Variants in EYS observed in about 807,000 individuals in gnomAD.
EYS encodes the protein EGF-like photoreceptor maintenance factor.
In EYS, 250 loss-of-function variants were observed where a neutral mutation model predicts 282.1. The observed-to-expected ratio is 0.89, with a 90% CI of 0.80 to 0.98. The LOEUF (loss-of-function observed/expected upper bound fraction) is 0.98. Among genes scored for constraint, EYS ranks in the 50% least tolerant of loss-of-function variants. The pLI, the probability that EYS is intolerant of heterozygous loss-of-function variation, is 0.00. For missense variants in EYS, 4,016 were observed against 3,709.0 expected (o/e 1.08, Z -2.15); for synonymous variants, 1,355 against 1,282.9 (o/e 1.06, Z -1.20).
chr6:64,169,837 A>G (rs1764422018), intron 31 of EYS, among the ~76,000 whole-genome samples: 1 of 152,114 alleles, frequency 6.6e-6, no homozygotes, highest in Non-Finnish European at 1.5e-5. Flanking sequence ...TGCAAATGGA[A>G]GGTAACCTGC....
intron 33 of EYS, among the ~76,000 whole-genome samples, chr6:64,026,313 G>C (rs2149824425): frequency 6.6e-6 from 1 of 152,266 alleles, no homozygotes; most frequent in Non-Finnish European, 1.5e-5. Context: ...TGGGCAGGGG[G>C]AAGAAACAAA....
At chr6:64,274,099 G>A (rs6925740) in intron 30 of EYS, among the ~76,000 whole-genome samples, 114,459 of 152,074 alleles carry the variant, frequency 0.75, 43,677 homozygotes, top group African/African-American at 0.89. Context: ...TAACCTTTAA[G>A]TGACGGTCCA....
Position 65,292,785 on chromosome 6 carries a change from G to A in EYS, c.2023+3078C>T, listed in dbSNP as rs1304250166. 6.6e-5 allele frequency among the ~76,000 whole-genome samples: 10 copies of A among 151,598 alleles called. No individual in the cohort carries two copies. The Admixed American group carries it at 6.6e-4, about 10-fold the overall frequency. ...AAATTAGCAGACAAGGAAAGGAAAG[G>A]GGCCTATGGAAAAGAAATTAATCCT... On this transcript the variant is annotated intron_variant, in intron 12 of 42. Transcript: ENST00000503581.
At chr6:63,911,042 G>A (rs1037168769) in intron 35 of EYS, among the ~76,000 whole-genome samples, 2 of 150,922 alleles carry the variant, frequency 1.3e-5, no homozygotes, top group Non-Finnish European at 2.9e-5. Context: ...CAAACATTTG[G>A]TTTGAACTTG....
At chr6:64,708,741 T>G (rs2149932450) in intron 22 of EYS, among the ~76,000 whole-genome samples, 1 of 152,314 alleles carries the variant, frequency 6.6e-6, no homozygotes, top group East Asian at 1.9e-4. Context: ...ACTACATGTA[T>G]AGCATCTACA....
At chr6:64,565,688 C>T (rs748653519) in intron 26 of EYS, among the ~76,000 whole-genome samples, 2 of 151,512 alleles carry the variant, frequency 1.3e-5, no homozygotes, top group Non-Finnish European at 2.9e-5. Flanking sequence ...AGATCTAATA[C>T]GTGGCATGAT....
At chr6:64,725,818 T>A (rs1771734652) in intron 22 of EYS, among the ~76,000 whole-genome samples, 1 of 151,796 alleles carries the variant, frequency 6.6e-6, no homozygotes, top group Non-Finnish European at 1.5e-5. Context: ...TTAATCAAGC[T>A]TTTTCCTTCT....
intron 26 of EYS, among the ~76,000 whole-genome samples, chr6:64,565,480 TGGAGG>T (rs1765537458): frequency 6.6e-6 from 1 of 152,118 alleles, no homozygotes; most frequent in Non-Finnish European, 1.5e-5. Flanking sequence ...TGGATTAACT[TGGAGG>T]ACATTATACA....
Position 63,953,990 on chromosome 6 carries a change from A to G in EYS, c.7055+30393T>C, listed in dbSNP as rs189587835. On this transcript the variant is annotated intron_variant, in intron 35 of 42. Coordinates refer to ENST00000503581, the MANE Select transcript of EYS (RefSeq NM_001142800.2). ...CTCTACAGTTTTCATAACTTCCAAA[A>G]TCTGTTTTCTTCCTCACACCTGATG... is the stretch of plus-strand genomic sequence containing the variant. Among the ~76,000 whole-genome samples, 6 of 152,082 alleles carry G rather than the reference A, an allele frequency of 3.9e-5. No individual in the cohort carries two copies. In the East Asian group the frequency reaches 1.2e-3, roughly 29 times the overall value.
At chr6:65,581,052 T>C (rs1275427111) in intron 2 of EYS, among the ~76,000 whole-genome samples, 2 of 152,148 alleles carry the variant, frequency 1.3e-5, no homozygotes, top group Non-Finnish European at 2.9e-5. Flanking sequence ...GAATTTCTCA[T>C]AATGGATCTC....
intron 22 of EYS, among the ~76,000 whole-genome samples, chr6:64,793,617 T>A (rs894475954): frequency 1.3e-5 from 2 of 152,216 alleles, no homozygotes; most frequent in African/African-American, 2.4e-5. Context: ...TACCTTTTTT[T>A]ATTTACGGTT....
At chr6:64,419,038 ACT>A (rs67586440) in intron 28 of EYS, among the ~76,000 whole-genome samples, 3,611 of 152,190 alleles carry the variant, frequency 0.024, 72 homozygotes, top group African/African-American at 0.06. Flanking sequence ...AACAGCCCTG[ACT>A]CTGACTACAA....
chr6:64,893,603 A>C (rs2150067046), intron 18 of EYS, among the ~76,000 whole-genome samples: 1 of 152,118 alleles, frequency 6.6e-6, no homozygotes, highest in East Asian at 1.9e-4. Flanking sequence ...TCAGCTGCTA[A>C]TTGATTTTTA....
At chr6:64,695,455 C>T (rs1281344536) in intron 22 of EYS, among the ~76,000 whole-genome samples, 1 of 152,120 alleles carries the variant, frequency 6.6e-6, no homozygotes, top group Non-Finnish European at 1.5e-5. Context: ...CCTCCCAGTA[C>T]ATTGCTATTA....
At chr6:63,931,554 G>T (rs1764895458) in intron 35 of EYS, among the ~76,000 whole-genome samples, 2 of 152,168 alleles carry the variant, frequency 1.3e-5, no homozygotes, top group Non-Finnish European at 2.9e-5. Context: ...CTTTCAGGAA[G>T]TACATGGTTC....
chr6:65,447,234 G>A (rs1286809594), intron 5 of EYS, among the ~76,000 whole-genome samples: 2 of 150,188 alleles, frequency 1.3e-5, no homozygotes, highest in African/African-American at 4.9e-5. Flanking sequence ...GTGAGGGTAG[G>A]TACCAATATT....
chr6:65,375,622 G>C (rs1190356891), intron 8 of EYS, among the ~76,000 whole-genome samples: 1 of 151,972 alleles, frequency 6.6e-6, no homozygotes, highest in African/African-American at 2.4e-5. Flanking sequence ...AGGAAGCTAA[G>C]AACCTTGACA....
At chr6:64,853,597 C>G (rs1232547448) in intron 19 of EYS, among the ~76,000 whole-genome samples, 1 of 152,110 alleles carries the variant, frequency 6.6e-6, no homozygotes, top group East Asian at 1.9e-4. Flanking sequence ...AGGGTTCAAA[C>G]TTATCTCAGT....
intron 12 of EYS, among the ~76,000 whole-genome samples, chr6:65,232,724 C>T (rs1175899081): frequency 1.3e-5 from 2 of 152,010 alleles, no homozygotes; most frequent in Non-Finnish European, 2.9e-5. Flanking sequence ...ATATAGAATA[C>T]ATTATACTAT....
Sources: gnomAD v4.1 joint callset for allele counts (sites outside exome capture counted in the v4.1 genomes callset) on GRCh38, gnomAD v4.1.1 for gene constraint, MANE v1.5 for transcripts, NCBI Gene and HGNC (gene_info 2026-07-23, HGNC 2026-07-21) for gene names.